GBE1: variants seen among roughly 807,000 people sequenced by gnomAD.
GBE1 encodes 1,4-alpha-glucan-branching enzyme.
A neutral mutation model predicts 88.8 loss-of-function variants in GBE1; 70 were observed. That is an observed-to-expected ratio of 0.79 (90% confidence interval 0.65 to 0.96). The LOEUF (loss-of-function observed/expected upper bound fraction) is 0.96. Among genes scored for constraint, GBE1 ranks in the 40% least tolerant of loss-of-function variants. GBE1 has a pLI of 0.00. For missense variants in GBE1, 872 were observed against 871.0 expected, an observed-to-expected ratio of 1.00 and a Z score of -0.01; for synonymous variants, 284 against 300.1, an observed-to-expected ratio of 0.95 and a Z score of 0.56.
chr3:81,699,939 T>A (rs897391538), intron 2 of GBE1, among the ~76,000 whole-genome samples: 8 of 152,224 alleles, frequency 5.3e-5, no homozygotes, highest in African/African-American at 1.9e-4. Flanking sequence ...ATTTGGCTAA[T>A]GAAATGTAAG....
Position 81,555,617 on chromosome 3 carries a change from A to C in GBE1, c.1619-18522T>G, listed in dbSNP as rs551793988. ...GCTATCTTTTGTACTTCATCTCCCA[A>C]TATGCAGACCCTGCTTCAAAGAGCC... On this transcript the variant is annotated intron_variant, in intron 12 of 15. Transcript: ENST00000429644. Among the ~76,000 whole-genome samples the C allele has an allele frequency of 4.6e-5, 7 of 152,222 alleles. No homozygotes were observed. In the South Asian group the frequency reaches 8.3e-4, roughly 18 times the overall value.
At chr3:81,572,166 T>G (rs996224498) in intron 12 of GBE1, among the ~76,000 whole-genome samples, 1 of 152,246 alleles carries the variant, frequency 6.6e-6, no homozygotes, top group East Asian at 1.9e-4. Context: ...CTTGTGAAGG[T>G]GCCTTGCTTC....
At chr3:81,651,031 T>C (rs1462131739) in intron 3 of GBE1, among the ~76,000 whole-genome samples, 1 of 152,134 alleles carries the variant, frequency 6.6e-6, no homozygotes, top group East Asian at 1.9e-4. Context: ...TAAAAGGAGG[T>C]AGAATACAAT....
intron 1 of GBE1, among the ~76,000 whole-genome samples, chr3:81,722,808 C>A (rs1274999227): frequency 6.0e-5 from 9 of 150,898 alleles, no homozygotes; most frequent in African/African-American, 2.2e-4. Context: ...AGTTTTCCCA[C>A]CCCCTTTAAC....
chr3:81,676,240 C>G (rs1705250266), intron 2 of GBE1, among the ~76,000 whole-genome samples: 1 of 151,970 alleles, frequency 6.6e-6, no homozygotes, highest in Non-Finnish European at 1.5e-5. Flanking sequence ...GCACGCCTAG[C>G]CCCCACAGTG....
intron 2 of GBE1, among the ~76,000 whole-genome samples, chr3:81,673,982 T>C (rs1249413437): frequency 6.6e-6 from 1 of 151,882 alleles, no homozygotes; most frequent in Admixed American, 6.6e-5. Context: ...TAGAGCATAC[T>C]AAAGATTTCA....
At chr3:81,651,090 A>T (rs545849871) in intron 3 of GBE1, among the ~76,000 whole-genome samples, 4 of 152,356 alleles carry the variant, frequency 2.6e-5, no homozygotes, top group African/African-American at 9.6e-5. Context: ...CATTGAGGAG[A>T]ACGTATTCTT....
At chr3:81,714,945 C>T (rs1177743285) in intron 1 of GBE1, among the ~76,000 whole-genome samples, 1 of 152,052 alleles carries the variant, frequency 6.6e-6, no homozygotes, top group East Asian at 1.9e-4. Context: ...AGGAGAGGGC[C>T]GCTCTTGTGA....
intron 7 of GBE1, among the ~76,000 whole-genome samples, chr3:81,611,770 G>A (rs1704185547): frequency 1.3e-5 from 2 of 151,992 alleles, no homozygotes; most frequent in Admixed American, 6.6e-5. Flanking sequence ...TGATAAAGAG[G>A]GCATGTCAAA....
chr3:81,639,440 T>C (rs1483951001), intron 7 of GBE1, among the ~76,000 whole-genome samples: 1 of 152,082 alleles, frequency 6.6e-6, no homozygotes, highest in African/African-American at 2.4e-5. Flanking sequence ...TGAACAGGTA[T>C]TTCAATACAT....
intron 3 of GBE1, among the ~76,000 whole-genome samples, chr3:81,654,338 T>C (rs1038767495): frequency 6.6e-6 from 1 of 152,144 alleles, no homozygotes; most frequent in African/African-American, 2.4e-5. Flanking sequence ...TGTGTGTGTG[T>C]GTGTTCATTC....
At chr3:81,665,619 C>T (rs938845917) in intron 3 of GBE1, among the ~76,000 whole-genome samples, 2 of 151,534 alleles carry the variant, frequency 1.3e-5, no homozygotes, top group Admixed American at 1.3e-4. Flanking sequence ...TTCTACATTA[C>T]ATATAAGTGG....
chr3:81,508,238 T>C (rs986328550), intron 14 of GBE1, among the ~76,000 whole-genome samples: 1 of 152,150 alleles, frequency 6.6e-6, no homozygotes, highest in African/African-American at 2.4e-5. Flanking sequence ...CTAACCTACT[T>C]AGAAACTTTT....
At chr3:81,600,958 A>G (rs1704025429) in intron 7 of GBE1, among the ~76,000 whole-genome samples, 1 of 152,036 alleles carries the variant, frequency 6.6e-6, no homozygotes, top group Non-Finnish European at 1.5e-5. Context: ...ATCAAGGAAA[A>G]TATATAGGGT....
In GBE1 at chr3:81,709,379, A is replaced by C. The variant is rs1705822790; in HGVS notation, c.144-3766T>G. The stretch of plus-strand genomic sequence containing the variant: ...ATACTTCTTGGAATATGGAAATGCT[A>C]ATCCATATTAAGTTATGTAAGTAAT... On this transcript the variant is annotated intron_variant, in intron 1 of 15. Coordinates refer to ENST00000429644, the MANE Select transcript of GBE1 (RefSeq NM_000158.4). Among the ~76,000 whole-genome samples the C allele has an allele frequency of 2.0e-5, 3 of 151,016 alleles. No individual in the cohort carries two copies. The South Asian group carries it at 6.3e-4, about 32-fold the overall frequency.
chr3:81,618,118 T>C lies in GBE1; in HGVS notation c.993-24095A>G, dbSNP rs1435558046. On this transcript the variant is annotated intron_variant, in intron 7 of 15. Coordinates refer to ENST00000429644, the MANE Select transcript of GBE1 (RefSeq NM_000158.4). ...TACTTTTACTCTTTCCATTTTTTCT[T>C]CTCCATTTCATAGAATGTCCATTAA... Among the ~76,000 whole-genome samples the C allele has an allele frequency of 2.0e-5, 3 of 152,034 alleles. No individual in the cohort carries two copies. In the South Asian group the frequency reaches 6.2e-4, roughly 32 times the overall value.
At chr3:81,642,439 T>C (rs1329386624) in intron 7 of GBE1, 1 of 185,460 alleles carries the variant, frequency 5.4e-6, no homozygotes, top group Non-Finnish European at 1.1e-5. Context: ...CTTAAAACAA[T>C]GTATTTCTCT....
At chr3:81,661,123 T>C (rs1037483845) in intron 3 of GBE1, among the ~76,000 whole-genome samples, 1 of 152,118 alleles carries the variant, frequency 6.6e-6, no homozygotes, top group Non-Finnish European at 1.5e-5. Flanking sequence ...ATTTTTATTT[T>C]TTAAAAAAAG....
At chr3:81,612,558 GA>G in intron 7 of GBE1, 1 of 771,378 alleles carries the variant, frequency 1.3e-6, no homozygotes, top group East Asian at 3.2e-5. Flanking sequence ...GGATGGTTGA[GA>G]AATGTTGTTA....
Sources: gnomAD v4.1 joint callset for allele counts (sites outside exome capture counted in the v4.1 genomes callset) on GRCh38, gnomAD v4.1.1 for gene constraint, MANE v1.5 for transcripts, NCBI Gene and HGNC (gene_info 2026-07-23, HGNC 2026-07-21) for gene names.